PCBP3: variants seen among roughly 807,000 people sequenced by gnomAD.
PCBP3 encodes the protein poly(rC) binding protein 3, also known as poly(rC)-binding protein 3.
In PCBP3, 25 loss-of-function variants were observed where a neutral mutation model predicts 52.7. The observed-to-expected ratio is 0.47, with a 90% CI of 0.35 to 0.66. The LOEUF (loss-of-function observed/expected upper bound fraction) is 0.66, where lower values mean the gene tolerates loss of function less well. Among genes scored for constraint, PCBP3 ranks in the 30% least tolerant of loss-of-function variants. PCBP3 has a pLI of 0.01. For synonymous variants in PCBP3, 162 were observed against 183.0 expected (o/e 0.89, Z 0.93); for missense variants, 391 against 490.3 (o/e 0.80, Z 1.91).
intron 2 of PCBP3, among the ~76,000 whole-genome samples, chr21:45,681,569 A>T (rs553872621): frequency 6.6e-6 from 1 of 152,328 alleles, no homozygotes; most frequent in East Asian, 1.9e-4. Context: ...TCATGGTTTC[A>T]TATGACTTTT....
At chr21:45,819,324 C>T (rs2093058790) in intron 4 of PCBP3, among the ~76,000 whole-genome samples, 2 of 152,210 alleles carry the variant, frequency 1.3e-5, no homozygotes, top group South Asian at 4.1e-4. Flanking sequence ...AGTCGGAGTC[C>T]CTGAAGACTG....
At chr21:45,871,286 A>G in intron 5 of PCBP3, 1 of 159,152 alleles carries the variant, frequency 6.3e-6, no homozygotes, top group Non-Finnish European at 1.4e-5. Flanking sequence ...TGCCCGGGAG[A>G]GACGGGCACC....
intron 3 of PCBP3, among the ~76,000 whole-genome samples, chr21:45,753,203 A>G (rs2087710126): frequency 1.3e-5 from 2 of 151,408 alleles, no homozygotes; most frequent in South Asian, 4.2e-4. Context: ...GTTGTGTTCA[A>G]ATATGCTGGT....
At chr21:45,846,646 A>G (rs913926101) in intron 4 of PCBP3, among the ~76,000 whole-genome samples, 1 of 152,074 alleles carries the variant, frequency 6.6e-6, no homozygotes, top group African/African-American at 2.4e-5. Context: ...CAACATCTAT[A>G]GTTTCTGCAT....
chr21:45,804,557 A>G (rs1469902576), intron 4 of PCBP3, among the ~76,000 whole-genome samples: 1 of 152,134 alleles, frequency 6.6e-6, no homozygotes, highest in Non-Finnish European at 1.5e-5. Flanking sequence ...ACTTGTATTT[A>G]TTCTGCACCC....
At chr21:45,667,740 A>G (rs2080899071) in intron 1 of PCBP3, among the ~76,000 whole-genome samples, 1 of 152,140 alleles carries the variant, frequency 6.6e-6, no homozygotes, top group Non-Finnish European at 1.5e-5. Context: ...TATGTGTCAT[A>G]GTACTTTTTT....
At position 45,903,276 on chromosome 21, in the gene PCBP3, C is replaced by T. The variant is rs192988461; in HGVS notation, c.339+2163C>T. ...AGTTTCTCCCTCGTGGCCAGGGTTTCGTGGCCAGTTGCCCCATGCAGGTTG... is the reference window on the plus strand; with the variant it reads ...AGTTTCTCCCTCGTGGCCAGGGTTTTGTGGCCAGTTGCCCCATGCAGGTTG... On this transcript the variant is annotated intron_variant, in intron 9 of 17. Coordinates refer to ENST00000681687, the MANE Select transcript of PCBP3 (RefSeq NM_001384156.1). Among the ~76,000 whole-genome samples, 754 of 152,256 alleles carry T rather than the reference C, an allele frequency of 5.0e-3. 6 individuals are homozygous for T. Among genetic ancestry groups the T allele is most frequent in the Non-Finnish European group, 8.9e-3 (603 of 68,024 alleles).
chr21:45,772,055 A>G lies in PCBP3; in HGVS notation c.-126+16603A>G, dbSNP rs571128959. The stretch of plus-strand genomic sequence containing the variant: ...CGTGAAATTTTGTTACATGTGTATA[A>G]TGTGTAGTGATCAAGTCAGGATATT... On this transcript the variant is annotated intron_variant, in intron 4 of 17. Transcript: ENST00000681687. 2.0e-5 allele frequency among the ~76,000 whole-genome samples: 3 copies of G among 152,328 alleles called. No homozygotes were observed. In the South Asian group the frequency reaches 6.2e-4, roughly 32 times the overall value.
chr21:45,733,830 A>G (rs1603348728), intron 2 of PCBP3, among the ~76,000 whole-genome samples: 1 of 151,724 alleles, frequency 6.6e-6, no homozygotes, highest in Non-Finnish European at 1.5e-5. Flanking sequence ...TGAACTCCTG[A>G]CCTCGAGTGA....
At chr21:45,782,719 C>A (rs1420956658) in intron 4 of PCBP3, among the ~76,000 whole-genome samples, 1 of 152,142 alleles carries the variant, frequency 6.6e-6, no homozygotes, top group Non-Finnish European at 1.5e-5. Context: ...AAAAAGCAAG[C>A]AAACAAGCAA....
At chr21:45,772,064 G>A (rs2089913528) in intron 4 of PCBP3, among the ~76,000 whole-genome samples, 1 of 152,164 alleles carries the variant, frequency 6.6e-6, no homozygotes, top group Non-Finnish European at 1.5e-5. Context: ...AATGTGTAGT[G>A]ATCAAGTCAG....
chr21:45,804,912 G>A lies in PCBP3; in HGVS notation c.-125-45049G>A, dbSNP rs191057326. ...TGGGAGTCAGGCTTACCAGCTCAGAGCTGGGCATGGTTGAAATTCTAACCC... is the reference window on the plus strand; with the variant it reads ...TGGGAGTCAGGCTTACCAGCTCAGAACTGGGCATGGTTGAAATTCTAACCC... On this transcript the variant is annotated intron_variant, in intron 4 of 17. Transcript: ENST00000681687. Among the ~76,000 whole-genome samples, 538 of 152,196 alleles carry A rather than the reference G, an allele frequency of 3.5e-3. 2 individuals carry two copies. The highest frequency in any genetic ancestry group is 0.012 in the African/African-American group (481 of 41,530).
intron 6 of PCBP3, among the ~76,000 whole-genome samples, chr21:45,898,260 G>A (rs1045284202): frequency 6.6e-6 from 1 of 152,030 alleles, no homozygotes; most frequent in Non-Finnish European, 1.5e-5. Context: ...CCCTCCCTGT[G>A]TCCAGTGTCC....
rs148782929 is a variant in PCBP3 at position 45,898,139 on chromosome 21, G to A, written c.166-1460G>A. On this transcript the variant is annotated intron_variant, in intron 6 of 17. Coordinates refer to ENST00000681687, the MANE Select transcript of PCBP3 (RefSeq NM_001384156.1). The stretch of plus-strand genomic sequence containing the variant: ...AACTGTGGGTGTCAGGAGCCAAGGC[G>A]CATGGTAAATGGGGCTCTCTGTGAG... Among the ~76,000 whole-genome samples the A allele has an allele frequency of 3.7e-3, 566 of 152,312 alleles. 6 individuals are homozygous for A. The highest frequency in any genetic ancestry group is 0.014 in the Middle Eastern group (4 of 294).
chr21:45,811,913 C>T (rs1420541489), intron 4 of PCBP3, among the ~76,000 whole-genome samples: 1 of 151,474 alleles, frequency 6.6e-6, no homozygotes, highest in Non-Finnish European at 1.5e-5. Context: ...TTTAATTGTC[C>T]CTCTCTTCTT....
chr21:45,670,758 T>C (rs2081119399), intron 2 of PCBP3, among the ~76,000 whole-genome samples: 1 of 152,178 alleles, frequency 6.6e-6, no homozygotes, highest in Admixed American at 6.5e-5. Context: ...AATTTTTGGA[T>C]ATTTTGGTTA....
chr21:45,886,992 G>A (rs2095539664), intron 5 of PCBP3, among the ~76,000 whole-genome samples: 1 of 152,236 alleles, frequency 6.6e-6, no homozygotes. Context: ...AGGAGCTGCT[G>A]CTCAACATTT....
chr21:45,809,741 C>T (rs2092626120), intron 4 of PCBP3, among the ~76,000 whole-genome samples: 1 of 152,224 alleles, frequency 6.6e-6, no homozygotes, highest in Admixed American at 6.5e-5. Flanking sequence ...TTCCCTGCAT[C>T]ATCTCCCATC....
chr21:45,771,612 C>G (rs1479610489), intron 4 of PCBP3, among the ~76,000 whole-genome samples: 1 of 152,152 alleles, frequency 6.6e-6, no homozygotes, highest in Non-Finnish European at 1.5e-5. Flanking sequence ...AAGGAATCTT[C>G]CTCAGATGCA....
Sources: allele counts gnomAD v4.1 joint callset (sites outside exome capture counted in the v4.1 genomes callset), GRCh38; gene constraint gnomAD v4.1.1; transcripts MANE v1.5; gene names NCBI Gene and HGNC (gene_info 2026-07-23, HGNC 2026-07-21).